EMSY: variants seen among roughly 807,000 people sequenced by gnomAD.
The protein encoded by EMSY is BRCA2-interacting transcriptional repressor EMSY.
Under a neutral mutation model 134.6 loss-of-function variants are expected in EMSY, and 26 were observed. That is an observed-to-expected ratio of 0.19 (90% confidence interval 0.14 to 0.27). The LOEUF is 0.27. Ranked by LOEUF, EMSY falls within the 10% of genes least tolerant of loss-of-function variation. The pLI is 1.00. For missense variants in EMSY, 1,305 were observed against 1,611.4 expected (o/e 0.81, Z 3.26); for synonymous variants, 579 against 577.8 (o/e 1.00, Z -0.03).
rs73495413 is a variant in EMSY at position 76,531,514 on chromosome 11, A to C, written c.2194+3048A>C. 5.0e-3 allele frequency among the ~76,000 whole-genome samples: 756 copies of C among 152,286 alleles called. 4 individuals are homozygous for C. The highest frequency in any genetic ancestry group is 0.017 in the African/African-American group (718 of 41,550). On this transcript the variant is annotated intron_variant, in intron 14 of 20. Transcript: ENST00000334736. ...TGATTAGATTCATCAGGAATTCCAC[A>C]GATAGGATATTATATCCTCAGTTTT...
At chr11:76,504,614 C>T (rs907628785) in intron 9 of EMSY, among the ~76,000 whole-genome samples, 8 of 152,100 alleles carry the variant, frequency 5.3e-5, no homozygotes, top group East Asian at 3.9e-4. Flanking sequence ...TTGGAAAACA[C>T]GTCAGTTTAT....
rs1012435812 is a variant in EMSY at position 76,496,203 on chromosome 11, C to G, written c.1109-12C>G. 1.3e-6 allele frequency: 2 copies of G among 1,599,418 alleles called. No individual in the cohort carries two copies. Among genetic ancestry groups the G allele is most frequent in the African/African-American group, 1.3e-5 (1 of 74,558 alleles). ...CTATCAAATTCTCTTTTCCCTTACT[C>G]CTTTTCTACAGGTGTATCTACATCA... On this transcript the variant is annotated splice_polypyrimidine_tract_variant and intron_variant, in intron 8 of 20. Coordinates refer to ENST00000334736, the Ensembl canonical transcript of EMSY.
chr11:76,522,379 T>C (rs1950676992), intron 11 of EMSY, among the ~76,000 whole-genome samples: 1 of 140,040 alleles, frequency 7.1e-6, no homozygotes, highest in Non-Finnish European at 1.5e-5. Flanking sequence ...TTTTTTTTTT[T>C]TTTCTTGAGA....
At chr11:76,544,851 T>TA (rs757601951) in intron 19 of EMSY, 29 bp downstream of exon 20, 2 of 1,600,786 alleles carry the variant, frequency 1.2e-6, no homozygotes, top group South Asian at 2.2e-5. Context: ...CATGCAAAGT[T>TA]AAACTTCTCT....
chr11:76,472,533 A>C (rs1331804809), intron 7 of EMSY, 31 bp from the exon 9 acceptor site: 11 of 1,583,696 alleles, frequency 6.9e-6, no homozygotes, highest in Non-Finnish European at 9.5e-6. Flanking sequence ...TTTAGTAGGT[A>C]CATAAAAATA....
chr11:76,475,425 G>C (rs1203472052), intron 8 of EMSY, among the ~76,000 whole-genome samples: 1 of 152,168 alleles, frequency 6.6e-6, no homozygotes, highest in Non-Finnish European at 1.5e-5. Flanking sequence ...GGTAGCCACT[G>C]AATCTCTTAG....
intron 9 of EMSY, among the ~76,000 whole-genome samples, chr11:76,503,985 C>G (rs1332922386): frequency 1.3e-5 from 2 of 151,286 alleles, no homozygotes; most frequent in Non-Finnish European, 2.9e-5. Context: ...GGGTTTTCAC[C>G]ATGTTGGCCA....
intron 4 of EMSY, 114 bp downstream of exon 4, chr11:76,453,502 A>G (rs1412526036): frequency 2.3e-6 from 2 of 883,228 alleles, no homozygotes; most frequent in African/African-American, 1.7e-5. Flanking sequence ...CAATATCTCT[A>G]TACTCAGGGA....
At chr11:76,527,277 A>G (rs900269481) in intron 13 of EMSY, among the ~76,000 whole-genome samples, 2 of 152,170 alleles carry the variant, frequency 1.3e-5, no homozygotes, top group African/African-American at 4.8e-5. Flanking sequence ...CCTATAAACT[A>G]CTAATTTACT....
chr11:76,507,983 C>T (rs1401952722), intron 9 of EMSY, among the ~76,000 whole-genome samples: 1 of 151,868 alleles, frequency 6.6e-6, no homozygotes, highest in Admixed American at 6.6e-5. Context: ...CCCACCTCAG[C>T]CTCCCAAGTA....
chr11:76,496,030 T>G (rs948962290), intron 8 of EMSY, among the ~76,000 whole-genome samples, 185 bp from the exon 10 acceptor site: 1 of 152,170 alleles, frequency 6.6e-6, no homozygotes, highest in Non-Finnish European at 1.5e-5. Context: ...CCTTGAAGAG[T>G]TTGAAGACTA....
At chr11:76,536,421 G>C (rs1951226656) in intron 15 of EMSY, among the ~76,000 whole-genome samples, 1 of 152,202 alleles carries the variant, frequency 6.6e-6, no homozygotes, top group Non-Finnish European at 1.5e-5. Context: ...ACAGTTGCCA[G>C]TTGCATTGAA....
chr11:76,529,067 C>G (rs1950944927), intron 14 of EMSY, among the ~76,000 whole-genome samples: 1 of 152,152 alleles, frequency 6.6e-6, no homozygotes, highest in Admixed American at 6.5e-5. Flanking sequence ...GCAGAAAACT[C>G]TTTGTCCTCG....
At chr11:76,454,903 G>T (rs1485806496) in intron 4 of EMSY, 113 bp downstream of exon 5, 2 of 804,432 alleles carry the variant, frequency 2.5e-6, no homozygotes, top group Non-Finnish European at 3.7e-6. Flanking sequence ...CATGCCCCTT[G>T]CTTTCCTTCT....
intron 7 of EMSY, among the ~76,000 whole-genome samples, chr11:76,469,197 C>A (rs995395701): frequency 1.8e-4 from 27 of 152,250 alleles, no homozygotes; most frequent in African/African-American, 6.3e-4. Context: ...TCTGAAATTG[C>A]AAATATTTGG....
intron 14 of EMSY, among the ~76,000 whole-genome samples, chr11:76,535,162 T>C (rs539841577): frequency 3.9e-5 from 6 of 152,192 alleles, no homozygotes; most frequent in African/African-American, 1.4e-4. Flanking sequence ...TATCATTTCA[T>C]TGCATACTCA....
At chr11:76,447,447 A>G (rs1205275281) in intron 2 of EMSY, among the ~76,000 whole-genome samples, 1 of 152,208 alleles carries the variant, frequency 6.6e-6, no homozygotes, top group Non-Finnish European at 1.5e-5. Context: ...TCTCACTTTA[A>G]CATACTCTTA....
At chr11:76,474,926 G>A (rs1375190052) in intron 8 of EMSY, among the ~76,000 whole-genome samples, 1 of 151,972 alleles carries the variant, frequency 6.6e-6, no homozygotes, top group Admixed American at 6.6e-5. Flanking sequence ...ACCACGCCTG[G>A]CTAATTTTTG....
rs771607262 is a variant in EMSY, at chr11:76,550,031, A to G, written c.3854A>G (p.Asn1285Ser). The change falls in exon 21 of 21, where the codon AAC (asparagine) becomes AGC (serine). Residue 1285 changes from asparagine (N) to serine (S), a missense_variant. Asn to Ser is a conservative substitution (Grantham distance 46, BLOSUM62 1). Transcript: ENST00000334736. ...CCCAGTGGGCTTCTTGAGCTAAACA[A>G]CTTCACTAGTCAACAGCTGGATGAT... is the stretch of plus-strand genomic sequence containing the variant. 11 of 1,613,936 alleles carry G rather than the reference A, an allele frequency of 6.8e-6. No individual in the cohort carries two copies. The East Asian group carries it at 1.6e-4, about 23-fold the overall frequency.
Sources: gnomAD v4.1 joint callset for allele counts (sites outside exome capture counted in the v4.1 genomes callset) on GRCh38, gnomAD v4.1.1 for gene constraint, MANE v1.5 for transcripts, NCBI Gene and HGNC (gene_info 2026-07-23, HGNC 2026-07-21) for gene names.